The following CPED1 variants were observed in gnomAD, a reference collection of about 807,000 sequenced individuals.
CPED1 encodes the protein cadherin-like and PC-esterase domain-containing protein 1.
A neutral mutation model predicts 128.2 loss-of-function variants in CPED1; 114 were observed. The observed-to-expected ratio is 0.89, with a 90% CI of 0.76 to 1.04. The LOEUF is 1.04. Among genes scored for constraint, CPED1 ranks in the 50% least tolerant of loss-of-function variants. The pLI, the probability that CPED1 is intolerant of heterozygous loss-of-function variation, is 0.00. For missense variants in CPED1, 1,211 were observed against 1,207.1 expected (o/e 1.00, Z -0.05); for synonymous variants, 462 against 426.7 (o/e 1.08, Z -1.02).
chr7:121,059,814 C>T (rs923784089), intron 4 of CPED1, among the ~76,000 whole-genome samples: 4 of 152,230 alleles, frequency 2.6e-5, no homozygotes, highest in Non-Finnish European at 5.9e-5. Flanking sequence ...TGCTGGCAGT[C>T]CTCACAGCCT....
intron 3 of CPED1, among the ~76,000 whole-genome samples, chr7:121,041,503 C>A (rs1395745590): frequency 1.3e-5 from 2 of 152,072 alleles, no homozygotes; most frequent in Non-Finnish European, 2.9e-5. Context: ...AGTTGTCCTT[C>A]CTTGAGAATA....
chr7:121,191,698 G>C (rs1241921563), intron 16 of CPED1, among the ~76,000 whole-genome samples: 2 of 152,090 alleles, frequency 1.3e-5, no homozygotes, highest in African/African-American at 2.4e-5. Context: ...ACTCTGAGAA[G>C]TATATCAGTT....
chr7:121,142,143 T>C lies in CPED1; in HGVS notation c.2055+2T>C. ...TTCACAGCATGTGGTTTTGTGCAGG[T>C]AAGTGAAGTTTACATTTGCACTTGG... On this transcript the variant is annotated splice_donor_variant, in intron 16 of 22. Coordinates refer to ENST00000310396, the MANE Select transcript of CPED1 (RefSeq NM_024913.5). LOFTEE classifies it high-confidence loss of function. The C allele has an allele frequency of 1.3e-6, 2 of 1,592,112 alleles. No individual in the cohort carries two copies. The highest frequency in any genetic ancestry group is 1.7e-6 in the Non-Finnish European group (2 of 1,164,400).
At chr7:121,106,705 G>A (rs1251986196) in intron 7 of CPED1, among the ~76,000 whole-genome samples, 1 of 152,034 alleles carries the variant, frequency 6.6e-6, no homozygotes, top group Non-Finnish European at 1.5e-5. Flanking sequence ...GGTATATGCT[G>A]GGATGAGGAT....
In CPED1 at chr7:121,135,355, T is replaced by C. The variant is rs80266772; in HGVS notation, c.1649-685T>C. On this transcript the variant is annotated intron_variant, in intron 13 of 22. Coordinates refer to ENST00000310396, the MANE Select transcript of CPED1 (RefSeq NM_024913.5). ...TTTAGCCCAATACAGTGGTTTTCAA[T>C]GTGTGTCCCCCTCTCCCCAGAATCA... is the stretch of plus-strand genomic sequence containing the variant. Among the ~76,000 whole-genome samples, 435 of 152,192 alleles carry C rather than the reference T, an allele frequency of 2.9e-3. 3 individuals are homozygous for C. The highest frequency in any genetic ancestry group is 9.9e-3 in the African/African-American group (412 of 41,544).
At chr7:121,255,774 C>T (rs753878730) in intron 18 of CPED1, among the ~76,000 whole-genome samples, 3 of 151,862 alleles carry the variant, frequency 2.0e-5, no homozygotes, top group Non-Finnish European at 2.9e-5. Flanking sequence ...AATGTCCAGG[C>T]TGAGAGTCAA....
At chr7:121,096,741 A>G (rs1337207533) in intron 5 of CPED1, among the ~76,000 whole-genome samples, 1 of 152,138 alleles carries the variant, frequency 6.6e-6, no homozygotes, top group African/African-American at 2.4e-5. Flanking sequence ...GACGCACCCT[A>G]AGCTATTAAG....
chr7:121,175,746 T>C (rs575163987), intron 16 of CPED1, among the ~76,000 whole-genome samples: 4 of 152,236 alleles, frequency 2.6e-5, no homozygotes, highest in African/African-American at 9.6e-5. Flanking sequence ...AAATAAACTT[T>C]GAATTAACAG....
intron 5 of CPED1, among the ~76,000 whole-genome samples, chr7:121,077,072 C>T (rs75282046): frequency 6.6e-6 from 1 of 152,042 alleles, no homozygotes; most frequent in Non-Finnish European, 1.5e-5. Context: ...CTGCTTGACA[C>T]CACTCCATCC....
intron 5 of CPED1, among the ~76,000 whole-genome samples, chr7:121,082,201 G>A (rs368735329): frequency 1.3e-5 from 2 of 152,150 alleles, no homozygotes; most frequent in African/African-American, 4.8e-5. Flanking sequence ...TAATTAAACT[G>A]ACCATTCTTT....
chr7:121,120,471 T>G (rs1363383420), intron 7 of CPED1, among the ~76,000 whole-genome samples: 1 of 152,214 alleles, frequency 6.6e-6, no homozygotes, highest in East Asian at 1.9e-4. Context: ...CTGATATGAC[T>G]TAAGTACCAA....
intron 19 of CPED1, 54 bp downstream of exon 19, chr7:121,266,501 C>G: frequency 6.9e-7 from 1 of 1,441,646 alleles, no homozygotes; most frequent in South Asian, 1.1e-5. Context: ...TGATGTTCTG[C>G]TAGCAGTCGT....
At chr7:121,049,279 A>T (rs1313313146) in intron 4 of CPED1, among the ~76,000 whole-genome samples, 3 of 152,198 alleles carry the variant, frequency 2.0e-5, no homozygotes, top group African/African-American at 7.2e-5. Flanking sequence ...CGTAAGAGGG[A>T]TGTGTAGAAG....
intron 18 of CPED1, among the ~76,000 whole-genome samples, chr7:121,264,147 C>G (rs1258920927): frequency 6.6e-6 from 1 of 151,990 alleles, no homozygotes; most frequent in Non-Finnish European, 1.5e-5. Context: ...TTGGAAGGAA[C>G]CAACCCTACT....
rs191911911 is a variant in CPED1, at chr7:121,285,420, T to A, written c.2869-10020T>A. 1.8e-4 allele frequency among the ~76,000 whole-genome samples: 27 copies of A among 152,372 alleles called. No homozygotes were observed. The Middle Eastern group carries it at 0.01, about 58-fold the overall frequency. On this transcript the variant is annotated intron_variant, in intron 22 of 22. Coordinates refer to ENST00000310396, the MANE Select transcript of CPED1 (RefSeq NM_024913.5). ...CATTACTGATGCAAATTTCTGCAGC[T>A]GGCTTAAATTTCTCCCCTAAAATGT... is the stretch of plus-strand genomic sequence containing the variant.
intron 22 of CPED1, among the ~76,000 whole-genome samples, chr7:121,293,496 G>A (rs889698440): frequency 4.6e-5 from 7 of 152,210 alleles, no homozygotes; most frequent in South Asian, 2.1e-4. Flanking sequence ...CTTCAGCCCC[G>A]TTTCCAAGGG....
intron 7 of CPED1, among the ~76,000 whole-genome samples, chr7:121,106,452 T>C (rs1794978148): frequency 6.6e-6 from 1 of 152,028 alleles, no homozygotes; most frequent in Non-Finnish European, 1.5e-5. Flanking sequence ...CCTTTAATAC[T>C]AGAAAATCAG....
chr7:121,116,979 C>CACACACACACATATATAT (rs1584523019), intron 7 of CPED1, among the ~76,000 whole-genome samples: 1 of 60,356 alleles, frequency 1.7e-5, no homozygotes, highest in Non-Finnish European at 3.9e-5. Flanking sequence ...TATATATATA[C>CACACACACACATATATAT]ACACACACAC....
chr7:121,170,524 A>G (rs1029510556), intron 16 of CPED1, among the ~76,000 whole-genome samples: 2 of 152,190 alleles, frequency 1.3e-5, no homozygotes, highest in African/African-American at 4.8e-5. Context: ...ACAAGGCCTG[A>G]TGAATAATAA....
Sources: allele counts gnomAD v4.1 joint callset (sites outside exome capture counted in the v4.1 genomes callset), GRCh38; gene constraint gnomAD v4.1.1; transcripts MANE v1.5; gene names NCBI Gene and HGNC (gene_info 2026-07-23, HGNC 2026-07-21).